Variants in PLXNA4 observed in about 807,000 individuals in gnomAD.
PLXNA4 encodes plexin A4.
In PLXNA4, 44 loss-of-function variants were observed where a neutral mutation model predicts 191.8. The observed-to-expected ratio is 0.23, with a 90% CI of 0.18 to 0.29. PLXNA4 has a LOEUF of 0.29. Among genes scored for constraint, PLXNA4 ranks in the 10% least tolerant of loss-of-function variants. The probability of loss-of-function intolerance (pLI) is 1.00; values close to 1 mark genes in which losing one functional copy is unlikely to be tolerated. For synonymous variants in PLXNA4, 1,082 were observed against 1,009.5 expected (o/e 1.07, Z -1.36); for missense variants, 1,800 against 2,488.8 (o/e 0.72, Z 5.89).
At chr7:132,161,847 T>C (rs1400532529) in intron 24 of PLXNA4, among the ~76,000 whole-genome samples, 1 of 152,114 alleles carries the variant, frequency 6.6e-6, no homozygotes, top group Admixed American at 6.5e-5. Flanking sequence ...CCCACGTGGG[T>C]ACCCAGTGCT....
chr7:132,350,457 T>C (rs1439993317), intron 3 of PLXNA4, among the ~76,000 whole-genome samples: 1 of 152,124 alleles, frequency 6.6e-6, no homozygotes, highest in East Asian at 1.9e-4. Context: ...TGAGCCAAGA[T>C]TGTGCCACTG....
At chr7:132,319,691 C>T (rs975653329) in intron 3 of PLXNA4, among the ~76,000 whole-genome samples, 6 of 152,240 alleles carry the variant, frequency 3.9e-5, no homozygotes, top group African/African-American at 4.8e-5. Flanking sequence ...CTGAGATCAC[C>T]GGACTTCCTG....
chr7:132,447,997 G>A (rs1270456046), intron 3 of PLXNA4, among the ~76,000 whole-genome samples: 2 of 151,994 alleles, frequency 1.3e-5, no homozygotes, highest in African/African-American at 2.4e-5. Flanking sequence ...GACAACAGAT[G>A]GAGATCTTGT....
At chr7:132,566,424 A>G (rs1258739936) in intron 1 of PLXNA4, among the ~76,000 whole-genome samples, 1 of 152,164 alleles carries the variant, frequency 6.6e-6, no homozygotes, top group Admixed American at 6.5e-5. Flanking sequence ...GAAACCATGG[A>G]TTTACAGTCT....
chr7:132,247,534 G>A (rs1799101062), intron 4 of PLXNA4, among the ~76,000 whole-genome samples: 1 of 152,174 alleles, frequency 6.6e-6, no homozygotes, highest in Non-Finnish European at 1.5e-5. Context: ...CTGTCCCCGA[G>A]CAGAGGAAGT....
chr7:132,487,573 G>C lies in PLXNA4; in HGVS notation c.1371+1719C>G, dbSNP rs73444849. On this transcript the variant is annotated intron_variant, in intron 3 of 31. Transcript: ENST00000321063. ...TGTACTTCTCTCCTCAGTGTGGACTGACGCGTGTCAGACACAATTTCAGAG... is the reference window on the plus strand; with the variant it reads ...TGTACTTCTCTCCTCAGTGTGGACTCACGCGTGTCAGACACAATTTCAGAG... 9.5e-3 allele frequency among the ~76,000 whole-genome samples: 1,450 copies of C among 152,288 alleles called. 33 individuals carry two copies. The highest frequency in any genetic ancestry group is 0.033 in the African/African-American group (1,359 of 41,548).
intron 4 of PLXNA4, among the ~76,000 whole-genome samples, chr7:132,253,771 G>A (rs1333654856): frequency 4.6e-5 from 7 of 152,058 alleles, no homozygotes; most frequent in Admixed American, 4.6e-4. Flanking sequence ...CCGCCCAGAA[G>A]CTTCCTGCAG....
At chr7:132,304,439 T>C (rs1801431174) in intron 3 of PLXNA4, among the ~76,000 whole-genome samples, 1 of 152,254 alleles carries the variant, frequency 6.6e-6, no homozygotes, top group Non-Finnish European at 1.5e-5. Context: ...AAATTAATTT[T>C]CATAATATGT....
Position 132,260,722 on chromosome 7 carries a change from T to G in PLXNA4, c.1504-19556A>C, listed in dbSNP as rs984663389. Among the ~76,000 whole-genome samples the G allele has an allele frequency of 1.0e-3, 151 of 150,640 alleles. 1 individual carries two copies. The highest frequency in any genetic ancestry group is 3.6e-3 in the African/African-American group (146 of 40,982). ...GGTTTTCAGGGGTTGGACGGGGTTG[T>G]GGGAGTGGAGAGGGATGAATGGGCA... On this transcript the variant is annotated intron_variant, in intron 4 of 31. Transcript: ENST00000321063.
chr7:132,156,021 C>T (rs749996933), intron 25 of PLXNA4, among the ~76,000 whole-genome samples: 5 of 151,986 alleles, frequency 3.3e-5, no homozygotes, highest in Non-Finnish European at 5.9e-5. Context: ...AATGTTGCCT[C>T]CTCCCTGGGT....
At chr7:132,472,032 C>T (rs1256818633) in intron 3 of PLXNA4, among the ~76,000 whole-genome samples, 5 of 152,166 alleles carry the variant, frequency 3.3e-5, no homozygotes, top group South Asian at 2.1e-4. Flanking sequence ...GAGTATTTCT[C>T]GGAACTTGTA....
intron 5 of PLXNA4, among the ~76,000 whole-genome samples, chr7:132,236,897 T>G (rs1798721124): frequency 6.6e-6 from 1 of 152,108 alleles, no homozygotes. Flanking sequence ...CACTTCCTCA[T>G]GTGTCTCTCC....
At chr7:132,388,771 A>G (rs1420644282) in intron 3 of PLXNA4, among the ~76,000 whole-genome samples, 3 of 152,114 alleles carry the variant, frequency 2.0e-5, no homozygotes, top group Non-Finnish European at 4.4e-5. Context: ...TGTAGAATTC[A>G]GGGTGGGATG....
Position 132,227,569 on chromosome 7 carries a change from T to C in PLXNA4, c.1764A>G (p.Ser588=). Residue 588 remains serine (S), a synonymous_variant, in exon 7 of 32, where the codon TCA becomes TCG. Transcript: ENST00000321063. ...CCTCAAAGGTGCAGTTGACGCCAGC[T>C]GACAGCTCCGGGACATTGTACGTCT... The part of the protein sequence containing the change: ...VLETYNVPEL[S]AGVNCTFEDL... The C allele has an allele frequency of 6.2e-7, 1 of 1,614,124 alleles. No homozygotes were observed. Among genetic ancestry groups the C allele is most frequent in the Non-Finnish European group, 8.5e-7 (1 of 1,180,022 alleles).
At chr7:132,390,676 C>T (rs965152640) in intron 3 of PLXNA4, among the ~76,000 whole-genome samples, 5 of 152,114 alleles carry the variant, frequency 3.3e-5, no homozygotes, top group East Asian at 1.9e-4. Flanking sequence ...TCATGGCCCC[C>T]GCTTCTTCTC....
intron 3 of PLXNA4, among the ~76,000 whole-genome samples, chr7:132,410,555 C>T (rs1316674155): frequency 1.3e-5 from 2 of 152,138 alleles, no homozygotes; most frequent in African/African-American, 4.8e-5. Flanking sequence ...TGCTCTGTAA[C>T]TGGGAGACAC....
chr7:132,509,993 G>A (rs1267099112), intron 1 of PLXNA4, among the ~76,000 whole-genome samples: 1 of 152,212 alleles, frequency 6.6e-6, no homozygotes, highest in Non-Finnish European at 1.5e-5. Flanking sequence ...TTAAGAAGCA[G>A]TCAAGCAAAT....
chr7:132,621,808 C>T (rs1803273981), intron 2 of PLXNA4, among the ~76,000 whole-genome samples: 1 of 152,210 alleles, frequency 6.6e-6, no homozygotes, highest in Admixed American at 6.5e-5. Flanking sequence ...AACTTTAAAA[C>T]CATTTCAAAT....
At chr7:132,224,901 A>G (rs1004678399) in intron 8 of PLXNA4, among the ~76,000 whole-genome samples, 5 of 152,166 alleles carry the variant, frequency 3.3e-5, no homozygotes, top group Admixed American at 2.0e-4. Flanking sequence ...TCAGCTACCT[A>G]TCATGCATGG....
Sources: gnomAD v4.1 joint callset for allele counts (sites outside exome capture counted in the v4.1 genomes callset) on GRCh38, gnomAD v4.1.1 for gene constraint, MANE v1.5 for transcripts, NCBI Gene and HGNC (gene_info 2026-07-23, HGNC 2026-07-21) for gene names.